Variants in AGBL4 observed in about 807,000 individuals in gnomAD.
AGBL4 encodes the protein AGBL carboxypeptidase 4.
Under a neutral mutation model 66.4 loss-of-function variants are expected in AGBL4, and 58 were observed. The observed-to-expected ratio is 0.87, with a 90% CI of 0.71 to 1.09. AGBL4 has a LOEUF of 1.09. AGBL4 is among the 50% of genes least tolerant of loss of function. AGBL4 has a pLI of 0.00. For synonymous variants in AGBL4, 234 were observed against 222.9 expected, an observed-to-expected ratio of 1.05 and a Z score of -0.44; for missense variants, 579 against 631.0, an observed-to-expected ratio of 0.92 and a Z score of 0.88.
intron 4 of AGBL4, among the ~76,000 whole-genome samples, chr1:49,060,864 C>G (rs1644390813): frequency 6.6e-6 from 1 of 152,174 alleles, no homozygotes; most frequent in Non-Finnish European, 1.5e-5. Context: ...AGGAGTAGAT[C>G]ATGAGAGTAG....
chr1:49,084,437 A>C (rs1644867333), intron 4 of AGBL4, among the ~76,000 whole-genome samples: 1 of 152,204 alleles, frequency 6.6e-6, no homozygotes. Flanking sequence ...GCAGAGGGTG[A>C]AGGAGGAGCA....
At chr1:49,614,874 C>G (rs1209241486) in intron 3 of AGBL4, among the ~76,000 whole-genome samples, 4 of 152,026 alleles carry the variant, frequency 2.6e-5, no homozygotes, top group African/African-American at 4.8e-5. Flanking sequence ...TGTACAAGTG[C>G]CTCAAGGGCA....
At chr1:49,689,312 C>G (rs1024546754) in intron 3 of AGBL4, among the ~76,000 whole-genome samples, 1 of 152,142 alleles carries the variant, frequency 6.6e-6, no homozygotes, top group African/African-American at 2.4e-5. Context: ...TTCCTAGCAG[C>G]ATTTATAGAA....
At chr1:49,629,088 AC>A (rs1166751503) in intron 3 of AGBL4, among the ~76,000 whole-genome samples, 2 of 152,172 alleles carry the variant, frequency 1.3e-5, no homozygotes, top group Non-Finnish European at 2.9e-5. Context: ...TCAAAATACA[AC>A]CTGCAAGTCA....
At chr1:49,656,862 T>C (rs1646147049) in intron 3 of AGBL4, among the ~76,000 whole-genome samples, 1 of 152,150 alleles carries the variant, frequency 6.6e-6, no homozygotes, top group African/African-American at 2.4e-5. Context: ...TATCTCAAAA[T>C]AATAAGAGCT....
At chr1:49,950,011 C>T (rs75652152) in intron 1 of AGBL4, among the ~76,000 whole-genome samples, 9 of 50,816 alleles carry the variant, frequency 1.8e-4, no homozygotes, top group Non-Finnish European at 3.1e-4. Flanking sequence ...TATATATATA[C>T]ACACACATAT....
intron 4 of AGBL4, among the ~76,000 whole-genome samples, chr1:49,138,625 T>C (rs1646059900): frequency 6.6e-6 from 1 of 152,184 alleles, no homozygotes; most frequent in Non-Finnish European, 1.5e-5. Context: ...GTGGCTCTGT[T>C]GGCCAAACTT....
intron 1 of AGBL4, among the ~76,000 whole-genome samples, chr1:50,019,306 T>TCTCTCACACACA (rs1167835143): frequency 3.0e-3 from 143 of 48,416 alleles, no homozygotes; most frequent in East Asian, 0.015. Context: ...TCTCTCTCTC[T>TCTCTCACACACA]CACACACACA....
At chr1:48,529,063 C>G (rs905510024), downstream of AGBL4, among the ~76,000 whole-genome samples, 1 of 151,914 alleles carries the variant, frequency 6.6e-6, no homozygotes, top group Non-Finnish European at 1.5e-5. Flanking sequence ...CTCACCATAC[C>G]CACTATTTAT....
chr1:49,668,618 C>G (rs1222001012), intron 3 of AGBL4, among the ~76,000 whole-genome samples: 1 of 152,180 alleles, frequency 6.6e-6, no homozygotes, highest in Non-Finnish European at 1.5e-5. Flanking sequence ...CGACTGTCTA[C>G]AATTGCATCA....
intron 5 of AGBL4, among the ~76,000 whole-genome samples, chr1:48,930,366 AGTT>A (rs557258570): frequency 8.0e-4 from 121 of 152,128 alleles, no homozygotes; most frequent in Non-Finnish European, 1.5e-3. Flanking sequence ...ACAGGGTTTT[AGTT>A]GTTGTTGTTT....
chr1:48,788,831 G>A (rs1645470096), intron 6 of AGBL4, among the ~76,000 whole-genome samples: 1 of 152,174 alleles, frequency 6.6e-6, no homozygotes, highest in South Asian at 2.1e-4. Flanking sequence ...TCTGATTAAT[G>A]CTTGGGATAC....
chr1:49,042,380 T>G (rs959722447), intron 5 of AGBL4, among the ~76,000 whole-genome samples: 1 of 152,164 alleles, frequency 6.6e-6, no homozygotes, highest in African/African-American at 2.4e-5. Flanking sequence ...TCAGATATCC[T>G]GTGGCAGCGA....
chr1:49,126,335 T>C (rs1014669463), intron 4 of AGBL4, among the ~76,000 whole-genome samples: 1 of 152,146 alleles, frequency 6.6e-6, no homozygotes, highest in Non-Finnish European at 1.5e-5. Context: ...CAGAGTTCAA[T>C]AGTGATCTGA....
At chr1:49,120,615 G>A (rs1045004926) in intron 4 of AGBL4, among the ~76,000 whole-genome samples, 2 of 152,040 alleles carry the variant, frequency 1.3e-5, no homozygotes, top group African/African-American at 4.8e-5. Flanking sequence ...TTTCTCTCTG[G>A]CTTCCCTTAA....
At chr1:48,980,559 G>A (rs1659665896) in intron 5 of AGBL4, among the ~76,000 whole-genome samples, 1 of 151,556 alleles carries the variant, frequency 6.6e-6, no homozygotes, top group African/African-American at 2.4e-5. Flanking sequence ...CTTGAGCTGG[G>A]CATGGTGGCC....
intron 1 of AGBL4, among the ~76,000 whole-genome samples, chr1:49,878,318 C>T (rs1219009126): frequency 1.3e-5 from 2 of 149,866 alleles, no homozygotes; most frequent in Non-Finnish European, 1.5e-5. Context: ...TTTCCCTCTA[C>T]ACACTGCTTT....
chr1:49,447,794 TCTC>T (rs757104227), intron 3 of AGBL4, among the ~76,000 whole-genome samples: 7 of 152,172 alleles, frequency 4.6e-5, no homozygotes, highest in Admixed American at 1.3e-4. Context: ...CTTGATTCCT[TCTC>T]CTTCTTTGCC....
At chr1:48,634,439 C>A in intron 9 of AGBL4, 54 bp downstream of exon 9, 1 of 1,442,370 alleles carries the variant, frequency 6.9e-7, no homozygotes, top group African/African-American at 1.4e-5. Flanking sequence ...CAATGCTGCC[C>A]TTTCCCAGAT....
Sources: allele counts gnomAD v4.1 joint callset (sites outside exome capture counted in the v4.1 genomes callset), GRCh38; gene constraint gnomAD v4.1.1; transcripts MANE v1.5; gene names NCBI Gene and HGNC (gene_info 2026-07-23, HGNC 2026-07-21).